Variants in REPS2 observed in about 807,000 individuals in gnomAD.
REPS2 encodes the protein RALBP1 associated Eps domain containing 2.
A neutral mutation model predicts 53.6 loss-of-function variants in REPS2; 23 were observed. The ratio of observed to expected loss-of-function variants is 0.43; its 90% CI spans 0.31 to 0.61. The LOEUF (loss-of-function observed/expected upper bound fraction) is 0.61. Ranked by LOEUF, REPS2 falls within the 20% of genes least tolerant of loss-of-function variation. The pLI is 0.11. For missense variants in REPS2, 446 were observed against 534.9 expected (o/e 0.83, Z 1.64); for synonymous variants, 238 against 218.6 (o/e 1.09, Z -0.78).
At chrX:17,006,925 A>G in intron 2 of REPS2, among the ~76,000 whole-genome samples, 1 of 111,798 alleles carries the variant, frequency 8.9e-6, no homozygotes, top group Non-Finnish European at 1.9e-5. Flanking sequence ...ACTTTCTACA[A>G]TTTAAACAAA....
chrX:17,127,442 A>G (rs2063229711), intron 14 of REPS2, among the ~76,000 whole-genome samples: 1 of 111,485 alleles, frequency 9.0e-6, no homozygotes, highest in Admixed American at 9.5e-5. Flanking sequence ...AACAGAAACT[A>G]CTCCTGGTAT....
intron 1 of REPS2, among the ~76,000 whole-genome samples, chrX:16,969,674 C>T (rs1172091943): frequency 9.1e-6 from 1 of 109,399 alleles, no homozygotes; most frequent in Non-Finnish European, 1.9e-5. Context: ...AAGATGGCAG[C>T]AGTACAGTCC....
chrX:17,007,858 A>G (rs1349287996), intron 2 of REPS2, among the ~76,000 whole-genome samples: 2 of 112,198 alleles, frequency 1.8e-5, no homozygotes, highest in African/African-American at 6.5e-5. Context: ...TCTTACAAGT[A>G]TGGAAATTTG....
chrX:16,956,724 T>TA (rs200749769), intron 1 of REPS2, among the ~76,000 whole-genome samples: 2,097 of 112,281 alleles, frequency 0.019, 46 homozygotes, highest in African/African-American at 0.065. Flanking sequence ...CTGACCGTTT[T>TA]ATCTGGCCCT....
At chrX:17,048,013 T>G (rs2061931069) in intron 6 of REPS2, among the ~76,000 whole-genome samples, 1 of 112,748 alleles carries the variant, frequency 8.9e-6, no homozygotes, top group Non-Finnish European at 1.9e-5. Context: ...TTCAGATATA[T>G]AGATTCCTGT....
At chrX:17,180,390 AC>A in the REPS2 span, among the ~76,000 whole-genome samples, 1 of 111,356 alleles carries the variant, frequency 9.0e-6, no homozygotes, top group Non-Finnish European at 1.9e-5. Flanking sequence ...TGAGCAAGCT[AC>A]CTGACCTCCC....
chrX:17,155,027 T>A (rs1023470739), downstream of REPS2, among the ~76,000 whole-genome samples: 7 of 112,433 alleles, frequency 6.2e-5, no homozygotes, highest in Non-Finnish European at 7.5e-5. Context: ...CATGATATAT[T>A]CTGGAACTGC....
chrX:17,120,654 T>A (rs2063129135), intron 14 of REPS2, among the ~76,000 whole-genome samples: 2 of 111,219 alleles, frequency 1.8e-5, no homozygotes, highest in Non-Finnish European at 3.8e-5. Context: ...CCAGAATGAG[T>A]GCTGAAGTGG....
intron 1 of REPS2, among the ~76,000 whole-genome samples, chrX:16,970,095 A>T (rs926574637): frequency 1.8e-5 from 2 of 111,911 alleles, no homozygotes; most frequent in Non-Finnish European, 3.8e-5. Context: ...TTCTACATTC[A>T]TCAGATTGGA....
intron 5 of REPS2, among the ~76,000 whole-genome samples, chrX:17,045,054 C>T (rs191798706): frequency 9.0e-6 from 1 of 111,018 alleles, no homozygotes; most frequent in Non-Finnish European, 1.9e-5. Flanking sequence ...CTCAGCCTCC[C>T]GAGTAGCTGG....
At chrX:16,985,217 A>C (rs1477346237) in intron 1 of REPS2, among the ~76,000 whole-genome samples, 1 of 111,725 alleles carries the variant, frequency 9.0e-6, no homozygotes, top group Non-Finnish European at 1.9e-5. Flanking sequence ...ATTACACTTG[A>C]TTTTGAGCTT....
downstream of REPS2, among the ~76,000 whole-genome samples, chrX:17,156,002 T>C (rs1327859506): frequency 8.9e-6 from 1 of 111,911 alleles, no homozygotes; most frequent in Admixed American, 9.5e-5. Flanking sequence ...ACAAGAGTGC[T>C]CTATGAGTTT....
At chrX:16,956,162 G>C (rs1447008494) in intron 1 of REPS2, among the ~76,000 whole-genome samples, 1 of 108,905 alleles carries the variant, frequency 9.2e-6, no homozygotes, top group Non-Finnish European at 1.9e-5. Context: ...GTTAGTTCAG[G>C]GGTCTGTGAA....
intron 12 of REPS2, chrX:17,074,485 T>G (rs113896940): frequency 0.018 from 3,270 of 181,210 alleles, 112 homozygotes; most frequent in African/African-American, 0.092. Context: ...ATGGGTAAGG[T>G]AACAGACACG....
At chrX:17,057,655 T>C (rs1448140197) in intron 8 of REPS2, among the ~76,000 whole-genome samples, 2 of 112,826 alleles carry the variant, frequency 1.8e-5, no homozygotes, top group African/African-American at 6.4e-5. Context: ...CATGGGAAAC[T>C]CCTCTTTTCT....
rs1007302983 is a variant in REPS2 at position 17,005,975 on chromosome X, G to A, written c.274-246G>A. On this transcript the variant is annotated intron_variant, in intron 1 of 17. Transcript: ENST00000357277. ...CTTTGTCACCTTTATTTTTCTCTTTGGAAGAGGAGGAATAATCAGTGGCTC... is the reference window on the plus strand; with the variant it reads ...CTTTGTCACCTTTATTTTTCTCTTTAGAAGAGGAGGAATAATCAGTGGCTC... Among the ~76,000 whole-genome samples the A allele has an allele frequency of 1.8e-4, 20 of 111,495 alleles. No homozygotes were observed. The highest frequency in any genetic ancestry group is 2.8e-4 in the Non-Finnish European group (15 of 53,082).
chrX:17,188,525 G>A, the REPS2 span, among the ~76,000 whole-genome samples: 1 of 112,197 alleles, frequency 8.9e-6, no homozygotes, highest in Non-Finnish European at 1.9e-5. Context: ...AGTCTCTAAA[G>A]TTAGTGAGAA....
At chrX:17,139,986 A>T (rs1399032618) in intron 17 of REPS2, among the ~76,000 whole-genome samples, 1 of 111,591 alleles carries the variant, frequency 9.0e-6, no homozygotes, top group East Asian at 2.8e-4. Flanking sequence ...AGAGGACATG[A>T]TTCTACCCAC....
chrX:17,011,057 CTGTG>C (rs60541913), intron 2 of REPS2, among the ~76,000 whole-genome samples: 1,245 of 102,508 alleles, frequency 0.012, 14 homozygotes, highest in Non-Finnish European at 0.017. Context: ...TTTGCTTAAA[CTGTG>C]TGTGTGTGTG....
Sources: gnomAD v4.1 joint callset for allele counts (sites outside exome capture counted in the v4.1 genomes callset) on GRCh38, gnomAD v4.1.1 for gene constraint, MANE v1.5 for transcripts, NCBI Gene and HGNC (gene_info 2026-07-23, HGNC 2026-07-21) for gene names.